EVC: variants seen among roughly 807,000 people sequenced by gnomAD.
The protein encoded by EVC is evC complex member EVC.
Under a neutral mutation model 118.9 loss-of-function variants are expected in EVC, and 116 were observed. That is an observed-to-expected ratio of 0.98 (90% confidence interval 0.84 to 1.14). The LOEUF (loss-of-function observed/expected upper bound fraction) is 1.14. Among genes scored for constraint, EVC ranks in the 50% most tolerant of loss-of-function variants. The probability of loss-of-function intolerance (pLI) is 0.00; values close to 1 mark genes in which losing one functional copy is unlikely to be tolerated. For missense variants in EVC, 1,401 were observed against 1,246.4 expected, an observed-to-expected ratio of 1.12 and a Z score of -1.87; for synonymous variants, 619 against 534.7, an observed-to-expected ratio of 1.16 and a Z score of -2.18.
chr4:5,723,454 G>A lies in EVC; in HGVS notation c.300+4081G>A, dbSNP rs184822000. 8.8e-3 allele frequency among the ~76,000 whole-genome samples: 1,343 copies of A among 152,244 alleles called. 8 individuals carry two copies. Among genetic ancestry groups the A allele is most frequent in the Admixed American group, 0.015 (235 of 15,302 alleles). Reference sequence around the variant, plus strand: ...TCTGCCCGCCTTGGCCTCCCAAAGTGCTGGGATTACAGGTGTGAGCCACCG... The same window carrying A: ...TCTGCCCGCCTTGGCCTCCCAAAGTACTGGGATTACAGGTGTGAGCCACCG... On this transcript the variant is annotated intron_variant, in intron 2 of 20. Coordinates refer to ENST00000264956, the MANE Select transcript of EVC (RefSeq NM_153717.3).
chr4:5,767,038 A>C, intron 11 of EVC, among the ~76,000 whole-genome samples: 1 of 148,770 alleles, frequency 6.7e-6, no homozygotes, highest in Non-Finnish European at 1.5e-5. Flanking sequence ...GGTTTTATCT[A>C]CTTTTGGACT....
chr4:5,828,746 A>G, the EVC span: 1 of 1,510,962 alleles, frequency 6.6e-7, no homozygotes, highest in Non-Finnish European at 9.0e-7. Context: ...GATTTTGCCT[A>G]ACATTATATC....
chr4:5,785,303 C>T (rs868441074), intron 12 of EVC, among the ~76,000 whole-genome samples: 11 of 152,318 alleles, frequency 7.2e-5, no homozygotes, highest in Middle Eastern at 3.4e-3. Context: ...GAGCCCCTGG[C>T]AGTGCTGTTA....
intron 20 of EVC, 45 bp from the exon 21 acceptor site, chr4:5,810,908 A>C (rs769583152): frequency 1.3e-6 from 2 of 1,534,494 alleles, no homozygotes; most frequent in Non-Finnish European, 1.8e-6. Flanking sequence ...CATGATGGGC[A>C]TGGAGTCAGC....
rs1011212738 is a variant in EVC at position 5,728,343 on chromosome 4, T to G, written c.301-964T>G. On this transcript the variant is annotated intron_variant, in intron 2 of 20. Coordinates refer to ENST00000264956, the MANE Select transcript of EVC (RefSeq NM_153717.3). Reference sequence around the variant, plus strand: ...TTATTCTCTTTGAAGCAATTGTGAATGGGAGTTCACTCATGATTTGGCTCT... The same window carrying G: ...TTATTCTCTTTGAAGCAATTGTGAAGGGGAGTTCACTCATGATTTGGCTCT... Among the ~76,000 whole-genome samples, 5 of 151,940 alleles carry G rather than the reference T, an allele frequency of 3.3e-5. No individual in the cohort carries two copies. In the East Asian group the frequency reaches 9.7e-4, roughly 29 times the overall value.
intron 7 of EVC, 114 bp from the exon 8 acceptor site, chr4:5,748,034 G>A: frequency 8.4e-7 from 1 of 1,185,026 alleles, no homozygotes; most frequent in Non-Finnish European, 1.2e-6. Flanking sequence ...CTGTAGAATT[G>A]TTTAGAATCT....
intron 5 of EVC, among the ~76,000 whole-genome samples, chr4:5,734,750 C>G (rs1339644918): frequency 1.3e-5 from 2 of 152,188 alleles, no homozygotes; most frequent in Non-Finnish European, 2.9e-5. Flanking sequence ...TAAACGGGTG[C>G]CAATGTTTGA....
At chr4:5,792,959 G>A (rs191370235) in intron 12 of EVC, among the ~76,000 whole-genome samples, 49 of 152,226 alleles carry the variant, frequency 3.2e-4, no homozygotes, top group African/African-American at 7.0e-4. Context: ...CAAAGATGGC[G>A]ATTCTCTCCA....
intron 9 of EVC, 109 bp downstream of exon 9, chr4:5,753,161 C>T: frequency 9.4e-7 from 1 of 1,067,072 alleles, no homozygotes; most frequent in South Asian, 1.4e-5. Flanking sequence ...TGATGCCGGG[C>T]ACAGGCTGCC....
At chr4:5,785,626 G>A (rs774268905) in intron 12 of EVC, among the ~76,000 whole-genome samples, 7 of 152,268 alleles carry the variant, frequency 4.6e-5, no homozygotes, top group South Asian at 2.1e-4. Context: ...TTGCCCTGTC[G>A]TAGGTGACTT....
the EVC span, among the ~76,000 whole-genome samples, chr4:5,827,733 G>GCACACACACACACACACACACA: frequency 1.2e-4 from 17 of 138,332 alleles, no homozygotes; most frequent in South Asian, 2.1e-3. Flanking sequence ...ATGTGCGCGT[G>GCACACACACACACACACACACA]CACACACACA....
chr4:5,815,041 C>T (rs190697350), downstream of EVC, among the ~76,000 whole-genome samples: 9 of 152,330 alleles, frequency 5.9e-5, no homozygotes, highest in East Asian at 1.7e-3. Flanking sequence ...TCAACTGGCC[C>T]TTACCCAGAT....
At chr4:5,752,674 T>A (rs1730568605) in intron 8 of EVC, 162 bp from the exon 9 acceptor site, 1 of 762,168 alleles carries the variant, frequency 1.3e-6, no homozygotes, top group African/African-American at 1.7e-5. Context: ...CAGACGCAGA[T>A]CTCGCTCATG....
In EVC at chr4:5,752,998, C is replaced by G. The variant is rs775388162; in HGVS notation, c.1261C>G (p.Leu421Val). Reference protein sequence around the residue: ...GKLSGRQKEELLTQQHKAFWQ... With the variant: ...GKLSGRQKEEVLTQQHKAFWQ... ...GCTGTCCGGGCGGCAGAAGGAGGAG[C>G]TGCTCACGCAGCAGCACAAGGCCTT... Residue 421 changes from leucine (L) to valine (V), a missense_variant, in exon 9 of 21, where the codon CTG (leucine) becomes GTG (valine). Transcript: ENST00000264956. 1 of 1,612,996 alleles carries G rather than the reference C, an allele frequency of 6.2e-7. No individual in the cohort carries two copies. The highest frequency in any genetic ancestry group is 8.5e-7 in the Non-Finnish European group (1 of 1,179,662).
At position 5,793,696 on chromosome 4, in the gene EVC, G is replaced by C; in HGVS notation, c.1865G>C (p.Arg622Pro). 1 of 1,550,772 alleles carries C rather than the reference G, an allele frequency of 6.4e-7. No homozygotes were observed. The highest frequency in any genetic ancestry group is 8.7e-7 in the Non-Finnish European group (1 of 1,147,356). ...GGCACCATCCGCGGCGTCTTGGGCC[G>C]ACTGGGCGGCCTCACTGAAGAGTGA... ...HEGTIRGVLG[R>P]LGGLTEESTR... Residue 622 changes from arginine to proline, a missense_variant, in exon 13 of 21, where the codon CGA becomes CCA. Arg to Pro is a moderately radical substitution (Grantham distance 103). Transcript: ENST00000264956.
intron 20 of EVC, 100 bp downstream of exon 20, chr4:5,810,550 C>CA (rs1423369871): frequency 3.5e-6 from 3 of 858,650 alleles, no homozygotes; most frequent in African/African-American, 3.3e-5. Flanking sequence ...TCAGTCCCCT[C>CA]AGAGGCATTA....
At chr4:5,799,112 C>T (rs1714511392) in intron 15 of EVC, among the ~76,000 whole-genome samples, 1 of 152,148 alleles carries the variant, frequency 6.6e-6, no homozygotes, top group Non-Finnish European at 1.5e-5. Context: ...TGGTCAGTGG[C>T]AGAACCGGGA....
chr4:5,733,759 G>T (rs1188253297), intron 5 of EVC, among the ~76,000 whole-genome samples: 1 of 152,162 alleles, frequency 6.6e-6, no homozygotes, highest in Non-Finnish European at 1.5e-5. Context: ...TTAAAGGAAT[G>T]ATAATAATGA....
At chr4:5,744,463 A>G (rs367879423) in intron 6 of EVC, among the ~76,000 whole-genome samples, 4 of 152,208 alleles carry the variant, frequency 2.6e-5, no homozygotes, top group African/African-American at 4.8e-5. Flanking sequence ...TTGTGAGTCT[A>G]TACTTAGGAC....
Sources: gnomAD v4.1 joint callset for allele counts (sites outside exome capture counted in the v4.1 genomes callset) on GRCh38, gnomAD v4.1.1 for gene constraint, MANE v1.5 for transcripts, NCBI Gene and HGNC (gene_info 2026-07-23, HGNC 2026-07-21) for gene names.